DACH1: variants seen among roughly 807,000 people sequenced by gnomAD.
DACH1 encodes the protein dachshund homolog 1.
In DACH1, 12 loss-of-function variants were observed where a neutral mutation model predicts 54.2. That is an observed-to-expected ratio of 0.22 (90% CI 0.14 to 0.36). DACH1 has a LOEUF of 0.36. DACH1 is among the 10% of genes least tolerant of loss of function. The pLI is 1.00. For missense variants in DACH1, 805 were observed against 929.8 expected, an observed-to-expected ratio of 0.87 and a Z score of 1.75; for synonymous variants, 386 against 366.2, an observed-to-expected ratio of 1.05 and a Z score of -0.62.
intron 1 of DACH1, among the ~76,000 whole-genome samples, chr13:71,701,341 CAG>C (rs1244781329): frequency 5.9e-5 from 9 of 152,062 alleles, no homozygotes; most frequent in African/African-American, 2.2e-4. Context: ...ATGTGACAAT[CAG>C]AGTTATAATT....
intron 1 of DACH1, among the ~76,000 whole-genome samples, chr13:71,706,365 A>G (rs1882446145): frequency 1.3e-5 from 2 of 152,112 alleles, no homozygotes; most frequent in African/African-American, 4.8e-5. Context: ...TTTTACAGTG[A>G]GATGTATTTT....
At chr13:71,488,435 T>A (rs976971827) in intron 7 of DACH1, among the ~76,000 whole-genome samples, 8 of 152,156 alleles carry the variant, frequency 5.3e-5, no homozygotes, top group Non-Finnish European at 1.0e-4. Context: ...AAAATATACA[T>A]CCTGAGGACC....
chr13:71,799,757 A>C (rs303936), intron 1 of DACH1, among the ~76,000 whole-genome samples: 79,866 of 151,878 alleles, frequency 0.53, 22,495 homozygotes, highest in East Asian at 0.86. Flanking sequence ...TGCTTATGGC[A>C]TAGGTGCAGA....
chr13:71,560,072 A>T, intron 4 of DACH1, 117 bp from the exon 5 acceptor site: 1 of 1,155,602 alleles, frequency 8.7e-7, no homozygotes, highest in Non-Finnish European at 1.2e-6. Context: ...TAAACACTTT[A>T]CTTCATCAGC....
At chr13:71,646,551 T>C (rs544619891) in intron 2 of DACH1, among the ~76,000 whole-genome samples, 1 of 152,272 alleles carries the variant, frequency 6.6e-6, no homozygotes, top group African/African-American at 2.4e-5. Context: ...GACATAAAAA[T>C]GTGAACACTA....
chr13:71,470,728 T>C (rs1353049956), intron 10 of DACH1, among the ~76,000 whole-genome samples: 1 of 152,232 alleles, frequency 6.6e-6, no homozygotes, highest in Non-Finnish European at 1.5e-5. Flanking sequence ...ATCCACAAGA[T>C]CTAACATAGG....
intron 1 of DACH1, among the ~76,000 whole-genome samples, chr13:71,843,580 A>G (rs1033422559): frequency 6.6e-6 from 1 of 152,156 alleles, no homozygotes; most frequent in Non-Finnish European, 1.5e-5. Context: ...TGTTATTTAA[A>G]GCATAGTACT....
At position 71,779,344 on chromosome 13, in the gene DACH1, A is replaced by T. The variant is rs1034038177; in HGVS notation, c.848+86578T>A. On this transcript the variant is annotated intron_variant, in intron 1 of 10. Coordinates refer to ENST00000613252, the MANE Select transcript of DACH1 (RefSeq NM_080759.6). The stretch of plus-strand genomic sequence containing the variant: ...ATATAACATGCAAAGGTAACAGAAA[A>T]CGTTTTAAGAGTTTGATTTTGGATT... Among the ~76,000 whole-genome samples, 51 of 149,488 alleles carry T rather than the reference A, an allele frequency of 3.4e-4. 1 individual carries two copies. Among genetic ancestry groups the T allele is most frequent in the Admixed American group, 3.3e-3 (49 of 14,890 alleles).
chr13:71,858,797 G>GA (rs34537688), intron 1 of DACH1, among the ~76,000 whole-genome samples: 8,701 of 151,530 alleles, frequency 0.057, 310 homozygotes, highest in East Asian at 0.11. Flanking sequence ...CTTCCTGCTA[G>GA]AAAAATGTAA....
At chr13:71,463,351 T>G (rs143601094) in intron 10 of DACH1, among the ~76,000 whole-genome samples, 2 of 152,076 alleles carry the variant, frequency 1.3e-5, no homozygotes, top group African/African-American at 4.8e-5. Context: ...TTACTAAAGA[T>G]GAATCCTACA....
intron 1 of DACH1, among the ~76,000 whole-genome samples, chr13:71,847,798 G>C (rs1158041247): frequency 2.6e-5 from 4 of 152,078 alleles, no homozygotes; most frequent in Admixed American, 6.5e-5. Context: ...ATTAACATAA[G>C]GCACTGCAAT....
chr13:71,562,129 T>C (rs933444445), intron 4 of DACH1, among the ~76,000 whole-genome samples: 14 of 152,172 alleles, frequency 9.2e-5, no homozygotes, highest in Non-Finnish European at 1.6e-4. Context: ...TAATATGTGC[T>C]GATAGGCTTC....
At chr13:71,657,883 C>T (rs999965590) in intron 2 of DACH1, among the ~76,000 whole-genome samples, 18 of 152,178 alleles carry the variant, frequency 1.2e-4, no homozygotes, top group African/African-American at 4.1e-4. Context: ...GCTGGGATTA[C>T]GGGTGTGAGC....
chr13:71,854,613 A>T (rs1309901902), intron 1 of DACH1, among the ~76,000 whole-genome samples: 2 of 151,296 alleles, frequency 1.3e-5, no homozygotes, highest in Admixed American at 6.6e-5. Context: ...GGTCATAGAA[A>T]CTTCATATCA....
At chr13:71,517,717 T>G (rs2138272683) in intron 6 of DACH1, among the ~76,000 whole-genome samples, 1 of 152,008 alleles carries the variant, frequency 6.6e-6, no homozygotes, top group South Asian at 2.1e-4. Context: ...GTCTCCTGCA[T>G]GAGCACAACC....
chr13:71,463,797 T>G (rs1261537201), intron 10 of DACH1, among the ~76,000 whole-genome samples: 1 of 151,962 alleles, frequency 6.6e-6, no homozygotes, highest in African/African-American at 2.4e-5. Flanking sequence ...ATCACCAATA[T>G]CCTTTCCCTT....
intron 1 of DACH1, among the ~76,000 whole-genome samples, chr13:71,743,398 G>A (rs1566473598): frequency 6.6e-6 from 1 of 152,140 alleles, no homozygotes; most frequent in African/African-American, 2.4e-5. Flanking sequence ...TGAAGTCAAG[G>A]GTTGCTGTTT....
intron 3 of DACH1, among the ~76,000 whole-genome samples, chr13:71,621,598 T>C (rs1313805120): frequency 6.6e-6 from 1 of 152,068 alleles, no homozygotes; most frequent in African/African-American, 2.4e-5. Flanking sequence ...AAATCTTTTG[T>C]GCAACATAGA....
intron 1 of DACH1, among the ~76,000 whole-genome samples, chr13:71,705,486 T>A (rs984942633): frequency 1.1e-4 from 16 of 152,206 alleles, no homozygotes; most frequent in African/African-American, 3.9e-4. Flanking sequence ...GACAGTGGTT[T>A]AACATCATTT....
Sources: gnomAD v4.1 joint callset for allele counts (sites outside exome capture counted in the v4.1 genomes callset) on GRCh38, gnomAD v4.1.1 for gene constraint, MANE v1.5 for transcripts, NCBI Gene and HGNC (gene_info 2026-07-23, HGNC 2026-07-21) for gene names.